Variants in ADCY6 observed in about 807,000 individuals in gnomAD.
The protein encoded by ADCY6 is adenylate cyclase 6.
Under a neutral mutation model 111.6 loss-of-function variants are expected in ADCY6, and 59 were observed. That is an observed-to-expected ratio of 0.53 (90% CI 0.43 to 0.66). The LOEUF (loss-of-function observed/expected upper bound fraction) is 0.66, where lower values mean the gene tolerates loss of function less well. Ranked by LOEUF, ADCY6 falls within the 30% of genes least tolerant of loss-of-function variation. The pLI, the probability that ADCY6 is intolerant of heterozygous loss-of-function variation, is 0.00. For synonymous variants in ADCY6, 576 were observed against 642.9 expected, an observed-to-expected ratio of 0.90 and a Z score of 1.57; for missense variants, 1,242 against 1,595.6, an observed-to-expected ratio of 0.78 and a Z score of 3.78.
At chr12:48,768,813 C>T (rs1402641085) in intron 21 of ADCY6, 97 bp from the exon 22 acceptor site, 21 of 1,557,362 alleles carry the variant, frequency 1.3e-5, no homozygotes, top group African/African-American at 1.1e-4. Context: ...TCCCTTCCCC[C>T]AGTCCCTGCC....
At chr12:48,780,486 A>G (rs1004346071) in intron 2 of ADCY6, among the ~76,000 whole-genome samples, 6 of 152,310 alleles carry the variant, frequency 3.9e-5, no homozygotes, top group African/African-American at 1.4e-4. Context: ...GGCCCCAAGG[A>G]CTGGCACAGG....
chr12:48,773,818 C>T (rs1941619211), intron 15 of ADCY6, 122 bp downstream of exon 15: 1 of 1,460,036 alleles, frequency 6.8e-7, no homozygotes, highest in Non-Finnish European at 9.3e-7. Flanking sequence ...CCCCTGGTTG[C>T]TCCTAGTGTG....
chr12:48,785,480 A>C (rs1171102947), intron 1 of ADCY6, among the ~76,000 whole-genome samples: 1 of 152,160 alleles, frequency 6.6e-6, no homozygotes, highest in African/African-American at 2.4e-5. Context: ...TTAGCCAGGC[A>C]TGGTGGCGCA....
rs1348598398 is a variant in ADCY6 at position 48,783,131 on chromosome 12, C to T, written c.304G>A (p.Gly102Arg). The T allele has an allele frequency of 2.5e-6, 4 of 1,608,350 alleles. No individual in the cohort carries two copies. Among genetic ancestry groups the T allele is most frequent in the East Asian group, 4.5e-5 (2 of 44,864 alleles). ...GCGTCGGGCGCCACCTCAGCCGTCCCGCCCGCTGTCGTTGTCACCTCGGTA... is the reference window on the plus strand; with the variant it reads ...GCGTCGGGCGCCACCTCAGCCGTCCTGCCCGCTGTCGTTGTCACCTCGGTA... ...EDTEVTTTAG[G>R]TAEVAPDAVP... Residue 102 changes from glycine to arginine, a missense_variant, in exon 2 of 22, where the codon GGG becomes AGG. By Grantham distance (125) the Gly-to-Arg change is moderately radical. Transcript: ENST00000357869.
chr12:48,775,768 C>G (rs907042092), intron 9 of ADCY6, 70 bp from the exon 10 acceptor site: 2 of 1,567,038 alleles, frequency 1.3e-6, no homozygotes, highest in Admixed American at 1.7e-5. Flanking sequence ...CTCCTTCCCC[C>G]ACCCCAACAC....
intron 15 of ADCY6, 110 bp downstream of exon 15, chr12:48,773,830 G>A (rs1565645424): frequency 2.7e-6 from 4 of 1,489,724 alleles, no homozygotes; most frequent in African/African-American, 1.4e-5. Context: ...CCTAGTGTGG[G>A]AGACTCTGGT....
intron 16 of ADCY6, 94 bp from the exon 17 acceptor site, chr12:48,772,637 C>T: frequency 6.3e-6 from 9 of 1,438,180 alleles, no homozygotes; most frequent in Non-Finnish European, 7.8e-6. Flanking sequence ...ATTTACTGAG[C>T]ACATACTGTA....
In ADCY6 at chr12:48,771,614, ATCTC is replaced by A. The variant is rs768234224; in HGVS notation, c.3051+92_3051+95del. The A allele has an allele frequency of 1.3e-6, 2 of 1,565,552 alleles. No individual in the cohort carries two copies. Among genetic ancestry groups the A allele is most frequent in the South Asian group, 1.1e-5 (1 of 89,560 alleles). ...CCCTGATGACTCTGGGTCCCATCAA[ATCTC>A]TCTCTCTCTTCCCAGTTCCACTCAC... On this transcript the variant is annotated intron_variant, in intron 19 of 21. Coordinates refer to ENST00000357869, the MANE Select transcript of ADCY6 (RefSeq NM_015270.5). This position sits in a 1 kb window ranked among gnomAD's most constrained non-coding sequence, Gnocchi z 4.3.
chr12:48,785,307 C>G (rs11168736), intron 1 of ADCY6, among the ~76,000 whole-genome samples: 34,023 of 152,156 alleles, frequency 0.22, 4,173 homozygotes, highest in African/African-American at 0.32. Flanking sequence ...TATCCACAAC[C>G]CTTAGAAGGA....
At chr12:48,775,117 A>G (rs1941661038) in intron 11 of ADCY6, 63 bp from the exon 12 acceptor site, 1 of 1,474,732 alleles carries the variant, frequency 6.8e-7, no homozygotes, top group Non-Finnish European at 9.3e-7. Flanking sequence ...GACAGCAAGG[A>G]CAGGGCACTA....
At chr12:48,774,566 G>A in intron 13 of ADCY6, 48 bp from the exon 14 acceptor site, 3 of 1,591,660 alleles carry the variant, frequency 1.9e-6, no homozygotes, top group South Asian at 1.1e-5. Flanking sequence ...CAGCCAAGGA[G>A]GAATGGCAAC....
At chr12:48,774,554 A>G (rs1941643021) in intron 13 of ADCY6, 36 bp from the exon 14 acceptor site, 1 of 1,602,056 alleles carries the variant, frequency 6.2e-7, no homozygotes, top group Admixed American at 1.7e-5. Flanking sequence ...TGAAGGTTGT[A>G]TCAGCCAAGG....
chr12:48,773,102 G>A (rs544312190), intron 16 of ADCY6, among the ~76,000 whole-genome samples: 5 of 152,096 alleles, frequency 3.3e-5, no homozygotes, highest in Non-Finnish European at 5.9e-5. Context: ...AAGCCAGTGT[G>A]GTGTCCCAGG....
intron 2 of ADCY6, among the ~76,000 whole-genome samples, chr12:48,780,032 A>G (rs552920453): frequency 1.3e-5 from 2 of 152,250 alleles, no homozygotes; most frequent in South Asian, 4.1e-4. Flanking sequence ...AGAGGGGCAC[A>G]CTATCTCCCT....
In ADCY6 at chr12:48,773,477, G is replaced by C; in HGVS notation, c.2613C>G (p.Val871=). 6.2e-7 allele frequency: 1 copy of C among 1,613,718 alleles called. No individual in the cohort carries two copies. The highest frequency in any genetic ancestry group is 8.5e-7 in the Non-Finnish European group (1 of 1,179,780). Residue 871 remains valine, a synonymous_variant, in exon 16 of 22, where the codon GTC becomes GTG. Coordinates refer to ENST00000357869, the MANE Select transcript of ADCY6 (RefSeq NM_015270.5). ...CCTGAGAATAAACTCACAAGCCATGGACGCCAAGCAGTAGGTCATAGTTGT... is the reference window on the plus strand; with the variant it reads ...CCTGAGAATAAACTCACAAGCCATGCACGCCAAGCAGTAGGTCATAGTTGT... ...IFDNYDLLLG[V]HGLASSNETF...
chr12:48,774,610 T>TCTCCCTCTCCCCATGTGACCTC, intron 13 of ADCY6, 81 bp downstream of exon 13: 1 of 1,563,292 alleles, frequency 6.4e-7, no homozygotes, highest in Non-Finnish European at 8.8e-7. Context: ...GGCATGGCCT[T>TCTCCCTCTCCCCATGTGACCTC]CTCCCTCTCC....
In ADCY6 at chr12:48,776,936, G is replaced by A. The variant is rs11168733; in HGVS notation, c.1376+168C>T. Reference sequence around the variant, plus strand: ...CGGCTGGCTGGGAGTCTAGGGGTCCGCATGGGTCTTTGCACAGGTTGGAGA... The same window carrying A: ...CGGCTGGCTGGGAGTCTAGGGGTCCACATGGGTCTTTGCACAGGTTGGAGA... On this transcript the variant is annotated intron_variant, in intron 6 of 21. Coordinates refer to ENST00000357869, the MANE Select transcript of ADCY6 (RefSeq NM_015270.5). This position sits in a 1 kb window ranked among gnomAD's most constrained non-coding sequence, Gnocchi z 6.1. Among the ~76,000 whole-genome samples the A allele has an allele frequency of 0.11, 16,683 of 152,104 alleles. 1,501 individuals are homozygous for A. The highest frequency in any genetic ancestry group is 0.25 in the African/African-American group (10,293 of 41,470).
chr12:48,771,755 G>C lies in ADCY6; in HGVS notation c.3006C>G (p.Val1002=), dbSNP rs143018810. ...TCTCGTTGAGCAGCCGCAGGCACTC[G>C]ACACCCTCATTGTTTGCCTCCAGCT... ...YVELEANNEG[V]ECLRLLNEII... The change falls in exon 19 of 22, where the codon GTC becomes GTG. Residue 1002 remains valine, a synonymous_variant. Transcript: ENST00000357869. This position sits in a 1 kb window ranked among gnomAD's most constrained non-coding sequence, Gnocchi z 4.3. 1.4e-5 allele frequency: 23 copies of C among 1,614,100 alleles called. No individual in the cohort carries two copies. In the African/African-American group the frequency reaches 2.5e-4, roughly 18 times the overall value.
rs550895526 is a variant in ADCY6, at chr12:48,772,992, G to A, written c.2622-449C>T. Among the ~76,000 whole-genome samples, 116 of 152,284 alleles carry A rather than the reference G, an allele frequency of 7.6e-4. 1 individual carries two copies. Among genetic ancestry groups the A allele is most frequent in the African/African-American group, 2.7e-3 (112 of 41,560 alleles). ...ACCTGTCTAAAGTCACACAGCTAAT[G>A]AGCAGCAGAGCAGGGATTCAAACCC... is the stretch of plus-strand genomic sequence containing the variant. On this transcript the variant is annotated intron_variant, in intron 16 of 21. Transcript: ENST00000357869.
Sources: allele counts gnomAD v4.1 joint callset (sites outside exome capture counted in the v4.1 genomes callset), GRCh38; gene constraint gnomAD v4.1.1; non-coding constraint Gnocchi (gnomAD v3.1); transcripts MANE v1.5; gene names NCBI Gene and HGNC (gene_info 2026-07-23, HGNC 2026-07-21).